Variants in PI4KA observed in about 807,000 individuals in gnomAD.
PI4KA encodes PI4-kinase alpha.
PI4KA carries 122 observed loss-of-function variants against 271.4 expected under a neutral mutation model. The observed-to-expected ratio is 0.45, with a 90% CI of 0.39 to 0.52. The LOEUF is 0.52. PI4KA is among the 20% of genes least tolerant of loss of function. The pLI is 0.00. For missense variants in PI4KA, 1,969 were observed against 2,769.1 expected, an observed-to-expected ratio of 0.71 and a Z score of 6.48; for synonymous variants, 1,041 against 1,078.8, an observed-to-expected ratio of 0.96 and a Z score of 0.69.
chr22:20,791,018 C>A (rs1024131789), intron 19 of PI4KA, among the ~76,000 whole-genome samples: 1 of 152,112 alleles, frequency 6.6e-6, no homozygotes, highest in Non-Finnish European at 1.5e-5. Flanking sequence ...CCCGGAGAGG[C>A]GCAGGCTCAC....
intron 19 of PI4KA, among the ~76,000 whole-genome samples, chr22:20,789,486 C>T (rs1427637980): frequency 1.3e-5 from 2 of 152,170 alleles, no homozygotes; most frequent in Non-Finnish European, 2.9e-5. Context: ...CGTGCCACCA[C>T]GCTTGGCTAA....
intron 1 of PI4KA, among the ~76,000 whole-genome samples, chr22:20,844,428 T>C (rs908663431): frequency 6.6e-6 from 1 of 152,196 alleles, no homozygotes; most frequent in African/African-American, 2.4e-5. Context: ...GCTGCCTTAC[T>C]GAATGAATGG....
intron 21 of PI4KA, 52 bp from the exon 22 acceptor site, chr22:20,765,002 A>G (rs749420004): frequency 6.3e-7 from 1 of 1,583,774 alleles, no homozygotes; most frequent in South Asian, 1.1e-5. Flanking sequence ...CAGGACAAAC[A>G]GGTCCCAGTG....
At chr22:20,729,235 C>T in intron 39 of PI4KA, 78 bp downstream of exon 39, 1 of 1,303,362 alleles carries the variant, frequency 7.7e-7, no homozygotes, top group Non-Finnish European at 1.1e-6. Context: ...CTCCTGAGAA[C>T]TCATGACCCA....
At chr22:20,832,507 G>A (rs545042888) in intron 3 of PI4KA, among the ~76,000 whole-genome samples, 36 of 152,172 alleles carry the variant, frequency 2.4e-4, no homozygotes, top group African/African-American at 8.4e-4. Context: ...AGGCTGAAGT[G>A]CAGTGGCATG....
In PI4KA at chr22:20,708,093, C is replaced by T. The variant is rs766316662; in HGVS notation, c.6263G>A (p.Arg2088Gln). The part of the protein sequence containing the change: ...IQSCFLSNRS[R>Q]TYDMIQYYQN... ...ATAGTACTGGATCATGTCGTAGGTCCGGCTCCTGAAAGGCCAAGGAAGAGT... is the reference window on the plus strand; with the variant it reads ...ATAGTACTGGATCATGTCGTAGGTCTGGCTCCTGAAAGGCCAAGGAAGAGT... Residue 2088 changes from arginine (R) to glutamine (Q), a missense_variant, in exon 55 of 55, where the codon CGG becomes CAG. Physicochemically the swap from Arg to Gln is conservative, Grantham distance 43. This residue lies in a region of PI4KA where 110 missense variants were observed against 349.8 expected (regional missense o/e 0.31). Coordinates refer to ENST00000255882, the MANE Select transcript of PI4KA (RefSeq NM_058004.4). 2 of 1,613,398 alleles carry T rather than the reference C, an allele frequency of 1.2e-6. No homozygotes were observed. The highest frequency in any genetic ancestry group is 1.7e-5 in the Admixed American group (1 of 60,018).
intron 3 of PI4KA, among the ~76,000 whole-genome samples, chr22:20,832,816 A>G (rs1924365666): frequency 6.6e-6 from 1 of 152,082 alleles, no homozygotes; most frequent in Admixed American, 6.6e-5. Context: ...TGTATCCTTT[A>G]CAGTCTTTGG....
chr22:20,774,234 G>T (rs962326061), intron 19 of PI4KA: 1 of 152,188 alleles, frequency 6.6e-6, no homozygotes, highest in Admixed American at 6.5e-5. Flanking sequence ...AGCAAACTAA[G>T]AATTCAGAAG....
At chr22:20,793,758 CAT>C (rs904052410) in intron 18 of PI4KA, among the ~76,000 whole-genome samples, 3 of 152,174 alleles carry the variant, frequency 2.0e-5, no homozygotes, top group Non-Finnish European at 4.4e-5. Flanking sequence ...CTAAAATAAA[CAT>C]ATATTCTTCC....
chr22:20,714,014 G>C (rs1373346673), intron 47 of PI4KA, among the ~76,000 whole-genome samples: 1 of 152,202 alleles, frequency 6.6e-6, no homozygotes, highest in Admixed American at 6.5e-5. Context: ...GCGGAGATGG[G>C]AGTGGAGCAT....
Position 20,727,311 on chromosome 22 carries a change from G to A in PI4KA, c.4860C>T (p.Gly1620=), listed in dbSNP as rs1229564754. Residue 1620 remains glycine, a synonymous_variant, in exon 41 of 55, where the codon GGC becomes GGT. Coordinates refer to ENST00000255882, the MANE Select transcript of PI4KA (RefSeq NM_058004.4). ...GGTACATGCTGGAGAAGTAGGAGAG[G>A]CCTGTGGGTGGGTCCGTGGGCGCCC... ...LCWAPTDPPT[G]LSYFSSMYPP... 6.2e-7 allele frequency: 1 copy of A among 1,613,342 alleles called. No homozygotes were observed. Among genetic ancestry groups the A allele is most frequent in the Admixed American group, 1.7e-5 (1 of 59,946 alleles).
rs187985758 is a variant in PI4KA at position 20,710,522 on chromosome 22, C to T, written c.6083+177G>A. The T allele has an allele frequency of 2.6e-4, 172 of 654,276 alleles. No homozygotes were observed. In the African/African-American group the frequency reaches 2.8e-3, roughly 11 times the overall value. 40.5% of individuals were successfully genotyped at this position (654,276 alleles called of 1,614,324 possible). A position where few individuals can be genotyped will look rare whatever the true frequency, so the allele number is the denominator to read the frequency against. ...GGTGGTTGGAATTAGATGTCCAGAG[C>T]AAGAATTTACTGGCACAGGTGGGCA... On this transcript the variant is annotated intron_variant, in intron 52 of 54. Coordinates refer to ENST00000255882, the MANE Select transcript of PI4KA (RefSeq NM_058004.4).
At chr22:20,714,881 C>T (rs888466262) in intron 45 of PI4KA, among the ~76,000 whole-genome samples, 181 bp from the exon 46 acceptor site, 9 of 152,176 alleles carry the variant, frequency 5.9e-5, no homozygotes, top group East Asian at 1.9e-4. Context: ...GCTAAGGGTC[C>T]GTCCTCCTTG....
chr22:20,853,921 A>T (rs550881122), intron 1 of PI4KA, among the ~76,000 whole-genome samples: 31 of 151,868 alleles, frequency 2.0e-4, no homozygotes, highest in Admixed American at 3.3e-4. Flanking sequence ...AATTAAATAA[A>T]AAAAAAAAAG....
intron 29 of PI4KA, among the ~76,000 whole-genome samples, chr22:20,746,660 T>A (rs1441918134): frequency 6.6e-6 from 1 of 152,254 alleles, no homozygotes; most frequent in African/African-American, 2.4e-5. Context: ...GTCAGGGCAC[T>A]GATACCTGGT....
At chr22:20,824,026 GC>G in intron 4 of PI4KA, among the ~76,000 whole-genome samples, 1 of 151,454 alleles carries the variant, frequency 6.6e-6, no homozygotes, top group African/African-American at 2.4e-5. Context: ...TTTTTCTGCC[GC>G]CTACCTTAAA....
rs780280559 is a variant in PI4KA at position 20,718,713 on chromosome 22, G to T, written c.5226C>A (p.Thr1742=). ...QREFDFFNKI[T]NVSAIIKPYP... is the part of the protein sequence containing the mutation. ...CTTACTTGATGATAGCCGACACGTTGGTGATCTTGTTAAAGAAATCAAACT... is the reference window on the plus strand; with the variant it reads ...CTTACTTGATGATAGCCGACACGTTTGTGATCTTGTTAAAGAAATCAAACT... Residue 1742 remains threonine (T), a synonymous_variant, in exon 44 of 55, where the codon ACC becomes ACA. Coordinates refer to ENST00000255882, the MANE Select transcript of PI4KA (RefSeq NM_058004.4). The T allele has an allele frequency of 1.9e-6, 3 of 1,613,676 alleles. No homozygotes were observed. The highest frequency in any genetic ancestry group is 2.5e-6 in the Non-Finnish European group (3 of 1,179,896).
Position 20,747,155 on chromosome 22 carries a change from C to A in PI4KA, c.3363+428G>T, listed in dbSNP as rs148352439. On this transcript the variant is annotated intron_variant, in intron 29 of 54. Transcript: ENST00000255882. Reference sequence around the variant, plus strand: ...TCCTCTAGATTAATCTCTAGCAGAACAAGAAGCTGAAGGCATTCATGTGCG... The same window carrying A: ...TCCTCTAGATTAATCTCTAGCAGAAAAAGAAGCTGAAGGCATTCATGTGCG... Among the ~76,000 whole-genome samples the A allele has an allele frequency of 2.2e-3, 332 of 152,270 alleles. 1 individual carries two copies. Among genetic ancestry groups the A allele is most frequent in the African/African-American group, 7.9e-3 (330 of 41,552 alleles).
intron 19 of PI4KA, 44 bp from the exon 20 acceptor site, chr22:20,765,737 G>C (rs1360813842): frequency 7.6e-7 from 1 of 1,314,354 alleles, no homozygotes. Context: ...TATTTGCTGA[G>C]GAAACCCTAA....
Sources: allele counts gnomAD v4.1 joint callset (sites outside exome capture counted in the v4.1 genomes callset), GRCh38; gene constraint gnomAD v4.1.1; regional missense constraint gnomAD v4.1.1; transcripts MANE v1.5; gene names NCBI Gene and HGNC (gene_info 2026-07-23, HGNC 2026-07-21).